The following SLC13A5 variants were observed in gnomAD, a reference collection of about 807,000 sequenced individuals.
SLC13A5 encodes solute carrier family 13 member 5.
Under a neutral mutation model 56.5 loss-of-function variants are expected in SLC13A5, and 25 were observed. The ratio of observed to expected loss-of-function variants is 0.44; its 90% CI spans 0.32 to 0.62. The LOEUF (loss-of-function observed/expected upper bound fraction) is 0.62, where lower values mean the gene tolerates loss of function less well. Among genes scored for constraint, SLC13A5 ranks in the 20% least tolerant of loss-of-function variants. The probability of loss-of-function intolerance (pLI) is 0.04; values close to 1 mark genes in which losing one functional copy is unlikely to be tolerated. For synonymous variants in SLC13A5, 307 were observed against 301.5 expected (o/e 1.02, Z -0.19); for missense variants, 649 against 737.8 (o/e 0.88, Z 1.39).
At chr17:6,693,002 C>T (rs374567841) in intron 9 of SLC13A5, 42 bp downstream of exon 9, 105 of 1,494,288 alleles carry the variant, frequency 7.0e-5, no homozygotes, top group South Asian at 2.6e-4. Context: ...ACCCTCTTGA[C>T]GAAGAAGAGG....
At position 6,692,511 on chromosome 17, in the gene SLC13A5, C is replaced by T. The variant is rs1597659002; in HGVS notation, c.1275+533G>A. 6.6e-6 allele frequency among the ~76,000 whole-genome samples: 1 copy of T among 152,226 alleles called. No homozygotes were observed. ...TTGGAGGACAGCAGCAGCAAGCTAG[C>T]TCATCCCTCCCTCTGGCTCATTTCT... On this transcript the variant is annotated intron_variant, in intron 9 of 11. Transcript: ENST00000433363. This position sits in a 1 kb window ranked among gnomAD's most constrained non-coding sequence, Gnocchi z 5.5.
intron 1 of SLC13A5, among the ~76,000 whole-genome samples, chr17:6,708,921 G>A (rs1372605323): frequency 3.3e-5 from 5 of 151,912 alleles, no homozygotes; most frequent in African/African-American, 9.7e-5. Context: ...TGAGGGTAAT[G>A]TGCACGCTCC....
chr17:6,702,906 G>C (rs1973751286), intron 5 of SLC13A5, 64 bp downstream of exon 5: 1 of 1,571,212 alleles, frequency 6.4e-7, no homozygotes, highest in Non-Finnish European at 8.7e-7. Flanking sequence ...AGAGAGAGGT[G>C]GGCAGGTCCC....
In SLC13A5 at chr17:6,687,644, G is replaced by A. The variant is rs779336736; in HGVS notation, c.1460C>T (p.Pro487Leu). 2.3e-5 allele frequency: 37 copies of A among 1,606,514 alleles called. No individual in the cohort carries two copies. Among genetic ancestry groups the A allele is most frequent in the East Asian group, 4.5e-5 (2 of 44,624 alleles). ...ASMSRSIGLN[P>L]LYIMLPCTLS... ...GGTACAGGGCAGCATGATGTACAGC[G>A]GATTGAGGCCGATGGAGCGAGACTG... The change falls in exon 11 of 12, where the codon CCG (proline) becomes CTG (leucine). Residue 487 changes from proline to leucine, a missense_variant. By Grantham distance (98) the Pro-to-Leu change is moderately conservative. Transcript: ENST00000433363. The surrounding 1 kb of genome is among the most constrained non-coding windows in gnomAD (Gnocchi z 5.0).
At chr17:6,706,963 T>G in intron 2 of SLC13A5, 65 bp downstream of exon 2, 3 of 1,603,080 alleles carry the variant, frequency 1.9e-6, no homozygotes, top group Non-Finnish European at 2.6e-6. Context: ...CGACTCACAG[T>G]GGGGACTAGA....
rs1358641942 is a variant in SLC13A5, at chr17:6,704,078, G to C, written c.369-22C>G. On this transcript the variant is annotated intron_variant, in intron 3 of 11. Coordinates refer to ENST00000433363, the MANE Select transcript of SLC13A5 (RefSeq NM_177550.5). ...CAGCCTGCAGAGGAGGGGCAGGGAG[G>C]AAAGCCAGAGAATCCCCACCCCACC... The C allele has an allele frequency of 4.4e-6, 7 of 1,597,740 alleles. No individual in the cohort carries two copies. In the Admixed American group the frequency reaches 8.7e-5, roughly 20 times the overall value.
In SLC13A5 at chr17:6,687,663, G is replaced by C; in HGVS notation, c.1441C>G (p.Arg481Gly). The change falls in exon 11 of 12, where the codon CGC becomes GGC. Residue 481 changes from arginine (R) to glycine (G), a missense_variant. Physicochemically the swap from Arg to Gly is moderately radical, Grantham distance 125. Transcript: ENST00000433363. The surrounding 1 kb of genome is among the most constrained non-coding windows in gnomAD (Gnocchi z 5.0). ...TACAGCGGATTGAGGCCGATGGAGC[G>C]AGACTGCGGAAAAACAGCACTGCAA... ...LFLPIFASMS[R>G]SIGLNPLYIM... 2 of 1,593,638 alleles carry C rather than the reference G, an allele frequency of 1.3e-6. No individual in the cohort carries two copies. Among genetic ancestry groups the C allele is most frequent in the Non-Finnish European group, 1.7e-6 (2 of 1,171,156 alleles).
chr17:6,691,756 C>T (rs74379874), intron 9 of SLC13A5, among the ~76,000 whole-genome samples: 1,838 of 152,258 alleles, frequency 0.012, 37 homozygotes, highest in African/African-American at 0.041. Flanking sequence ...CTGCCCAGCC[C>T]AGGCCCCCAC....
chr17:6,688,561 G>A (rs1973312050), intron 10 of SLC13A5: 1 of 152,238 alleles, frequency 6.6e-6, no homozygotes, highest in East Asian at 1.9e-4. Flanking sequence ...CTGAGGTCAG[G>A]AGTTTGAGAC....
intron 2 of SLC13A5, 23 bp downstream of exon 2, chr17:6,707,005 C>G: frequency 6.2e-7 from 1 of 1,613,234 alleles, no homozygotes; most frequent in Non-Finnish European, 8.5e-7. Context: ...AGAAAGTCAC[C>G]AGGATCCCTT....
At chr17:6,705,299 C>A (rs1330411067) in intron 3 of SLC13A5, 1 of 152,158 alleles carries the variant, frequency 6.6e-6, no homozygotes, top group Admixed American at 6.5e-5. Context: ...AGGTGACTCC[C>A]AGGACAGGCA....
rs1249735332 is a variant in SLC13A5 at position 6,707,064 on chromosome 17, C to G, written c.195G>C (p.Leu65Phe). ...PLAVTSLMPV[L>F]LFPLFQILDS... ...CCAGAATCTGGAAGAGTGGGAAAAG[C>G]AAGACAGGCATGAGAGAGGTGACAG... is the stretch of plus-strand genomic sequence containing the variant. The change falls in exon 2 of 12, where the codon TTG (leucine) becomes TTC (phenylalanine). Residue 65 changes from leucine to phenylalanine, a missense_variant. Physicochemically the swap from Leu to Phe is conservative, Grantham distance 22. Transcript: ENST00000433363. The G allele has an allele frequency of 1.2e-6, 2 of 1,613,930 alleles. No individual in the cohort carries two copies. The highest frequency in any genetic ancestry group is 1.7e-6 in the Non-Finnish European group (2 of 1,180,026).
At chr17:6,704,147 C>G in intron 3 of SLC13A5, 91 bp from the exon 4 acceptor site, 1 of 1,364,570 alleles carries the variant, frequency 7.3e-7, no homozygotes, top group Non-Finnish European at 1.0e-6. Flanking sequence ...TCCACCCCTG[C>G]AGGGATGCAC....
intron 6 of SLC13A5, among the ~76,000 whole-genome samples, chr17:6,699,183 C>T (rs577609098): frequency 6.6e-6 from 1 of 152,164 alleles, no homozygotes; most frequent in South Asian, 2.1e-4. Flanking sequence ...CATTATTATT[C>T]CTGTTGCCCC....
chr17:6,697,911 G>A (rs184352134), intron 6 of SLC13A5, among the ~76,000 whole-genome samples: 223 of 152,324 alleles, frequency 1.5e-3, no homozygotes, highest in African/African-American at 5.0e-3. Flanking sequence ...CTCCAGGATC[G>A]TTCAGATGAG....
Position 6,686,263 on chromosome 17 carries a change from T to C in SLC13A5, c.1651A>G (p.Ile551Val), listed in dbSNP as rs1213586525. The C allele has an allele frequency of 1.9e-6, 3 of 1,614,166 alleles. No individual in the cohort carries two copies. Among genetic ancestry groups the C allele is most frequent in the South Asian group, 1.1e-5 (1 of 91,078 alleles). ...FLAVNTWGRA[I>V]FDLDHFPDWA... is the part of the protein sequence containing the mutation. ...TCAGGGAAATGATCCAAGTCAAATA[T>C]GGCCCGTCCCCAGGTGTTGACAGCC... Residue 551 changes from isoleucine to valine, a missense_variant, in exon 12 of 12, where the codon ATA (isoleucine) becomes GTA (valine). Physicochemically the swap from Ile to Val is conservative, Grantham distance 29. Coordinates refer to ENST00000433363, the MANE Select transcript of SLC13A5 (RefSeq NM_177550.5).
At position 6,691,024 on chromosome 17, in the gene SLC13A5, C is replaced by T. The variant is rs532749638; in HGVS notation, c.1276-84G>A. On this transcript the variant is annotated intron_variant, in intron 9 of 11. Transcript: ENST00000433363. ...CCAGGGCAAGCTTGGCCCATCCTCC[C>T]CTCCCGACCCTCTCTCTCTACACCT... The T allele has an allele frequency of 3.6e-4, 515 of 1,445,802 alleles. 4 individuals carry two copies. In the South Asian group the frequency reaches 6.4e-3, roughly 18 times the overall value. The allele number at this position is 1,445,802 out of a possible 1,614,324, so 89.6% of individuals were successfully genotyped here.
At position 6,713,272 on chromosome 17, in the gene SLC13A5, G is replaced by T; in HGVS notation, c.62C>A (p.Pro21Gln). The change falls in exon 1 of 12, where the codon CCG (proline) becomes CAG (glutamine). Residue 21 changes from proline to glutamine, a missense_variant. By Grantham distance (76) the Pro-to-Gln change is moderately conservative. Coordinates refer to ENST00000433363, the MANE Select transcript of SLC13A5 (RefSeq NM_177550.5). This position sits in a 1 kb window ranked among gnomAD's most constrained non-coding sequence, Gnocchi z 7.3. Reference protein sequence around the residue: ...FKSFVILFVTPLLLLPLVILM... With the variant: ...FKSFVILFVTQLLLLPLVILM... ...AATGACGAGTGGCAGCAGCAGGAGC[G>T]GGGTGACGAACAAGATCACGAAGGA... The T allele has an allele frequency of 6.2e-7, 1 of 1,613,982 alleles. No homozygotes were observed. The highest frequency in any genetic ancestry group is 1.3e-5 in the African/African-American group (1 of 75,056).
At chr17:6,707,207 C>G in intron 1 of SLC13A5, 51 bp from the exon 2 acceptor site, 2 of 1,605,088 alleles carry the variant, frequency 1.2e-6, no homozygotes, top group Non-Finnish European at 1.7e-6. Context: ...CCTCTCCCCA[C>G]CCCCAGAACA....
Sources: allele counts gnomAD v4.1 joint callset (sites outside exome capture counted in the v4.1 genomes callset), GRCh38; gene constraint gnomAD v4.1.1; non-coding constraint Gnocchi (gnomAD v3.1); transcripts MANE v1.5; gene names NCBI Gene and HGNC (gene_info 2026-07-23, HGNC 2026-07-21).